The following CERS5 variants were observed in gnomAD, a reference collection of about 807,000 sequenced individuals.
CERS5 encodes LAG1 homolog, ceramide synthase 5.
A neutral mutation model predicts 58.9 loss-of-function variants in CERS5; 37 were observed. The ratio of observed to expected loss-of-function variants is 0.63; its 90% CI spans 0.48 to 0.83. CERS5 has a LOEUF of 0.83. Among genes scored for constraint, CERS5 ranks in the 40% least tolerant of loss-of-function variants. The pLI is 0.00. For synonymous variants in CERS5, 147 were observed against 177.8 expected (o/e 0.83, Z 1.38); for missense variants, 398 against 489.3 (o/e 0.81, Z 1.76).
At position 50,130,475 on chromosome 12, in the gene CERS5, A is replaced by G; in HGVS notation, c.*70T>C. The G allele has an allele frequency of 7.3e-7, 1 of 1,363,724 alleles. No homozygotes were observed. Among genetic ancestry groups the G allele is most frequent in the Non-Finnish European group, 9.9e-7 (1 of 1,013,136 alleles). 84.5% of individuals were successfully genotyped at this position (1,363,724 alleles called of 1,614,324 possible). On this transcript the variant is annotated 3_prime_UTR_variant, in exon 10 of 10. Coordinates refer to ENST00000317551, the MANE Select transcript of CERS5 (RefSeq NM_147190.5). ...CAATCACAGAAGAGTAGATATGGGAAGGGCCAAGAGGAGTATGTTGCCAGT... is the reference window on the plus strand; with the variant it reads ...CAATCACAGAAGAGTAGATATGGGAGGGGCCAAGAGGAGTATGTTGCCAGT...
At position 50,135,493 on chromosome 12, in the gene CERS5, C is replaced by T. The variant is rs1205421222; in HGVS notation, c.872+239G>A. ...GTCAGTCCTGAGAAGCCAACCAAGCCGGGTACTCTGAGTCTGGATCCGACC... is the reference window on the plus strand; with the variant it reads ...GTCAGTCCTGAGAAGCCAACCAAGCTGGGTACTCTGAGTCTGGATCCGACC... On this transcript the variant is annotated intron_variant, in intron 8 of 9. Transcript: ENST00000317551. 3 of 687,830 alleles carry T rather than the reference C, an allele frequency of 4.4e-6. No individual in the cohort carries two copies. In the Admixed American group the frequency reaches 6.1e-5, roughly 14 times the overall value. 42.6% of individuals were successfully genotyped at this position (687,830 alleles called of 1,614,324 possible).
chr12:50,151,168 T>C (rs1937918262), intron 1 of CERS5, among the ~76,000 whole-genome samples: 1 of 151,712 alleles, frequency 6.6e-6, no homozygotes, highest in Non-Finnish European at 1.5e-5. Flanking sequence ...CTCCCACACA[T>C]TCCTCAACTC....
At chr12:50,133,651 A>G (rs1951456998) in intron 9 of CERS5, 1 of 985,480 alleles carries the variant, frequency 1.0e-6, no homozygotes, top group Non-Finnish European at 1.2e-6. Flanking sequence ...GCAGGTAGGT[A>G]AGGGGTAGGA....
intron 1 of CERS5, among the ~76,000 whole-genome samples, chr12:50,157,726 A>G (rs1938810476): frequency 2.0e-5 from 3 of 152,222 alleles, no homozygotes; most frequent in South Asian, 4.1e-4. Flanking sequence ...TCCAAAAAAA[A>G]AGAGATCAAA....
chr12:50,132,026 G>T (rs1447828969), intron 9 of CERS5, among the ~76,000 whole-genome samples: 3 of 151,346 alleles, frequency 2.0e-5, no homozygotes, highest in Non-Finnish European at 4.4e-5. Flanking sequence ...CATCTCTTGA[G>T]CCCAGGAGGT....
At chr12:50,161,483 C>T (rs1489930501) in intron 1 of CERS5, among the ~76,000 whole-genome samples, 1 of 151,982 alleles carries the variant, frequency 6.6e-6, no homozygotes, top group Non-Finnish European at 1.5e-5. Context: ...ATGAAACAAA[C>T]AAAGCAAAGT....
rs773368671 is a variant in CERS5, at chr12:50,148,927, A to AAT, written c.198-4872_198-4871dup. On this transcript the variant is annotated intron_variant, in intron 1 of 9. Coordinates refer to ENST00000317551, the MANE Select transcript of CERS5 (RefSeq NM_147190.5). ...CTCAAAAAAAAAAAAAAAAAAAAAA[A>AAT]ATATATATATATATATATATGTGTG... Among the ~76,000 whole-genome samples the AAT allele has an allele frequency of 9.1e-3, 437 of 47,902 alleles. 3 individuals are homozygous for AAT. The highest frequency in any genetic ancestry group is 0.017 in the Middle Eastern group (1 of 58). The allele number at this position is 47,902 out of a possible 152,430, so 31.4% of individuals were successfully genotyped here. A position where few individuals can be genotyped will look rare whatever the true frequency, so the allele number is the denominator to read the frequency against.
At chr12:50,154,588 A>G (rs1938360171) in intron 1 of CERS5, among the ~76,000 whole-genome samples, 1 of 152,226 alleles carries the variant, frequency 6.6e-6, no homozygotes, top group Non-Finnish European at 1.5e-5. Flanking sequence ...AGATTTGCAA[A>G]AATGTAAAAT....
chr12:50,151,471 T>C (rs987912042), intron 1 of CERS5, among the ~76,000 whole-genome samples: 2 of 152,174 alleles, frequency 1.3e-5, no homozygotes, highest in Admixed American at 6.6e-5. Flanking sequence ...CTCTACCTCT[T>C]TGGCAGTGGA....
chr12:50,144,023 T>C lies in CERS5; in HGVS notation c.232A>G (p.Ile78Val). Residue 78 changes from isoleucine (I) to valine (V), a missense_variant, in exon 2 of 10, where the codon ATC (isoleucine) becomes GTC (valine). By Grantham distance (29) the Ile-to-Val change is conservative. Coordinates refer to ENST00000317551, the MANE Select transcript of CERS5 (RefSeq NM_147190.5). ...IAKPCALCIG[I>V]EDSGPYQAQP... ...GCCTGATAAGGACCACTGTCCTCGA[T>C]GCCAATACAGAGTGCACAGGGTTTG... 1.2e-6 allele frequency: 2 copies of C among 1,613,148 alleles called. No individual in the cohort carries two copies. Among genetic ancestry groups the C allele is most frequent in the Non-Finnish European group, 1.7e-6 (2 of 1,179,094 alleles).
At chr12:50,144,748 A>T in intron 1 of CERS5, 4 of 1,450,394 alleles carry the variant, frequency 2.8e-6, no homozygotes, top group Non-Finnish European at 2.8e-6. Flanking sequence ...TAAGGCATAT[A>T]AACTTGGTAA....
intron 1 of CERS5, among the ~76,000 whole-genome samples, chr12:50,146,707 C>T (rs1268545968): frequency 1.3e-5 from 2 of 151,912 alleles, no homozygotes; most frequent in African/African-American, 4.8e-5. Context: ...ATTAGCCGGG[C>T]GTGGTGGCGG....
chr12:50,151,157 A>T (rs192497163), intron 1 of CERS5, among the ~76,000 whole-genome samples: 2 of 147,594 alleles, frequency 1.4e-5, no homozygotes, highest in African/African-American at 5.0e-5. Flanking sequence ...TCACAACTAA[A>T]CTCCCACACA....
chr12:50,143,911 G>A (rs781177728), intron 2 of CERS5, 41 bp downstream of exon 2: 40 of 1,228,342 alleles, frequency 3.3e-5, no homozygotes, highest in Non-Finnish European at 4.6e-5. Context: ...ATGGAGCAAC[G>A]CCTTATGTGA....
intron 1 of CERS5, among the ~76,000 whole-genome samples, chr12:50,148,110 C>G (rs1210461135): frequency 6.6e-6 from 1 of 151,744 alleles, no homozygotes; most frequent in African/African-American, 2.4e-5. Context: ...TGAGACCAGC[C>G]TGGGAAACGT....
chr12:50,133,802 G>T, intron 9 of CERS5: 1 of 984,700 alleles, frequency 1.0e-6, no homozygotes, highest in Non-Finnish European at 1.2e-6. Context: ...GGCCAGGTGC[G>T]GTGGCTCACG....
chr12:50,157,960 G>A (rs1938836773), intron 1 of CERS5, among the ~76,000 whole-genome samples: 2 of 151,472 alleles, frequency 1.3e-5, no homozygotes, highest in African/African-American at 4.9e-5. Flanking sequence ...TTCTTGGGAG[G>A]CTGAGGTGGC....
intron 1 of CERS5, among the ~76,000 whole-genome samples, chr12:50,152,342 G>C (rs7972465): frequency 6.6e-6 from 1 of 152,060 alleles, no homozygotes; most frequent in Non-Finnish European, 1.5e-5. Context: ...TGTAGAGCTA[G>C]GTCTTCTCAA....
chr12:50,135,768 A>G lies in CERS5; in HGVS notation c.836T>C (p.Val279Ala), dbSNP rs143505748. ...CDTLFVIFSA[V>A]FMVTRLGIYP... ...GATTCCTAGTCGTGTAACCATAAAA[A>G]CAGCACTGAAGATCACAAAAAGGGT... is the stretch of plus-strand genomic sequence containing the variant. Residue 279 changes from valine to alanine, a missense_variant, in exon 8 of 10, where the codon GTT (valine) becomes GCT (alanine). By Grantham distance (64) the Val-to-Ala change is moderately conservative. Coordinates refer to ENST00000317551, the MANE Select transcript of CERS5 (RefSeq NM_147190.5). 1.9e-6 allele frequency: 3 copies of G among 1,614,062 alleles called. No individual in the cohort carries two copies. In the African/African-American group the frequency reaches 4.0e-5, roughly 22 times the overall value.
Sources: allele counts gnomAD v4.1 joint callset (sites outside exome capture counted in the v4.1 genomes callset), GRCh38; gene constraint gnomAD v4.1.1; transcripts MANE v1.5; gene names NCBI Gene and HGNC (gene_info 2026-07-23, HGNC 2026-07-21).